ARHGAP26: variants seen among roughly 807,000 people sequenced by gnomAD.
The protein encoded by ARHGAP26 is rho GTPase-activating protein 26.
ARHGAP26 carries 38 observed loss-of-function variants against 104.8 expected under a neutral mutation model. The observed-to-expected ratio is 0.36, with a 90% CI of 0.28 to 0.48. The LOEUF is 0.48. Ranked by LOEUF, ARHGAP26 falls within the 20% of genes least tolerant of loss-of-function variation. ARHGAP26 has a pLI of 0.99. For missense variants in ARHGAP26, 704 were observed against 947.9 expected (o/e 0.74, Z 3.38); for synonymous variants, 341 against 340.0 (o/e 1.00, Z -0.03).
intron 1 of ARHGAP26, among the ~76,000 whole-genome samples, chr5:142,802,294 G>T (rs1762220931): frequency 6.6e-6 from 1 of 152,122 alleles, no homozygotes. Context: ...GATTTACCTT[G>T]TTTAAAGTTT....
At chr5:143,058,323 A>G (rs1453173460) in intron 17 of ARHGAP26, among the ~76,000 whole-genome samples, 1 of 152,282 alleles carries the variant, frequency 6.6e-6, no homozygotes, top group Non-Finnish European at 1.5e-5. Flanking sequence ...TTGAAGAAGT[A>G]TAAAGAATAA....
intron 17 of ARHGAP26, among the ~76,000 whole-genome samples, chr5:143,087,076 G>A (rs1466419363): frequency 6.6e-6 from 1 of 152,240 alleles, no homozygotes; most frequent in Non-Finnish European, 1.5e-5. Flanking sequence ...ACTCATGTGT[G>A]TTATCAGGGG....
intron 11 of ARHGAP26, among the ~76,000 whole-genome samples, chr5:143,002,535 T>A (rs72799090): frequency 0.015 from 2,293 of 152,228 alleles, 19 homozygotes; most frequent in Non-Finnish European, 0.022. Flanking sequence ...CTTTTTAATG[T>A]TGCATCAGCC....
chr5:142,843,770 T>C (rs150423023), intron 1 of ARHGAP26, among the ~76,000 whole-genome samples: 110 of 152,354 alleles, frequency 7.2e-4, no homozygotes, highest in African/African-American at 2.5e-3. Context: ...CCTTCTTTCC[T>C]TCCACTTTTC....
intron 11 of ARHGAP26, among the ~76,000 whole-genome samples, chr5:142,960,501 A>G (rs114221382): frequency 0.018 from 2,741 of 152,336 alleles, 40 homozygotes; most frequent in Non-Finnish European, 0.028. Flanking sequence ...AGTGCTGTCT[A>G]TCCATTAGTC....
intron 22 of ARHGAP26, 120 bp from the exon 23 acceptor site, chr5:143,222,237 CT>C: frequency 1.9e-6 from 1 of 525,978 alleles, no homozygotes; most frequent in South Asian, 6.1e-5. Flanking sequence ...ATTGTCCAAG[CT>C]TCCTTCATAC....
In ARHGAP26 at chr5:142,879,450, G is replaced by T. The variant is rs370969753; in HGVS notation, c.384+5G>T. 6.4e-5 allele frequency: 103 copies of T among 1,609,114 alleles called. No individual in the cohort carries two copies. The African/African-American group carries it at 1.1e-3, about 17-fold the overall frequency. On this transcript the variant is annotated splice_donor_5th_base_variant and intron_variant, in intron 4 of 22. Transcript: ENST00000645722. ...GAACAGATCGGGGCTGCCAAGGTGA[G>T]AATTTTGCAAGCTTTGGTCTGGATT...
At chr5:143,206,229 C>T (rs139659582) in intron 20 of ARHGAP26, among the ~76,000 whole-genome samples, 2 of 152,310 alleles carry the variant, frequency 1.3e-5, no homozygotes, top group African/African-American at 2.4e-5. Context: ...TTCAGCAGTC[C>T]GCTGAGATTC....
chr5:143,124,519 A>G (rs187780874), intron 18 of ARHGAP26, among the ~76,000 whole-genome samples: 1 of 152,276 alleles, frequency 6.6e-6, no homozygotes, highest in Non-Finnish European at 1.5e-5. Flanking sequence ...GCCTCACTCC[A>G]CACAGCTGGG....
At chr5:143,120,959 T>C (rs767896778) in intron 17 of ARHGAP26, 29 bp from the exon 18 acceptor site, 15 of 1,604,030 alleles carry the variant, frequency 9.4e-6, no homozygotes, top group Middle Eastern at 1.7e-4. Context: ...ATTTGTCTCA[T>C]TGGTACCTTT....
At chr5:143,081,713 G>A (rs1213444399) in intron 17 of ARHGAP26, among the ~76,000 whole-genome samples, 2 of 152,126 alleles carry the variant, frequency 1.3e-5, no homozygotes, top group African/African-American at 4.8e-5. Flanking sequence ...TGGAGTAAGG[G>A]CTTAAAAATG....
At chr5:142,868,789 G>A (rs1754770818) in intron 1 of ARHGAP26, 1 of 152,424 alleles carries the variant, frequency 6.6e-6, no homozygotes, top group South Asian at 2.1e-4. Flanking sequence ...GAATGGGGGT[G>A]TGGGCTAAAC....
chr5:142,774,695 A>G (rs1755940786), intron 1 of ARHGAP26, among the ~76,000 whole-genome samples: 1 of 152,206 alleles, frequency 6.6e-6, no homozygotes. Flanking sequence ...AACATACAGA[A>G]TACTTTCACT....
At chr5:143,094,385 G>A (rs771102975) in intron 17 of ARHGAP26, among the ~76,000 whole-genome samples, 6 of 152,036 alleles carry the variant, frequency 3.9e-5, no homozygotes, top group Non-Finnish European at 7.4e-5. Context: ...GTTATTCCTC[G>A]CACTGGGTGG....
At chr5:142,828,848 G>A (rs912604005) in intron 1 of ARHGAP26, among the ~76,000 whole-genome samples, 3 of 152,166 alleles carry the variant, frequency 2.0e-5, no homozygotes, top group South Asian at 2.1e-4. Flanking sequence ...CTAGCAAGAC[G>A]GGTTTGGTGT....
chr5:142,916,773 C>T (rs1159766687), intron 10 of ARHGAP26, among the ~76,000 whole-genome samples: 1 of 152,152 alleles, frequency 6.6e-6, no homozygotes, highest in Non-Finnish European at 1.5e-5. Context: ...CACAATAAAA[C>T]CCCTGCCTTT....
In ARHGAP26 at chr5:142,892,989, C is replaced by CT. The variant is rs56211069; in HGVS notation, c.487-1235dup. 3.8e-3 allele frequency among the ~76,000 whole-genome samples: 408 copies of CT among 108,008 alleles called. 7 individuals carry two copies. The East Asian group carries it at 0.038, about 10-fold the overall frequency. 70.9% of individuals were successfully genotyped at this position (108,008 alleles called of 152,430 possible). ...CTTCCCACCCCACCCCACCCCCCCG[C>CT]TTTTTTTTTTTTTTGAGACAGAGTC... is the stretch of plus-strand genomic sequence containing the variant. On this transcript the variant is annotated intron_variant, in intron 5 of 22. Coordinates refer to ENST00000645722, the MANE Select transcript of ARHGAP26 (RefSeq NM_001135608.3).
chr5:142,792,147 A>G (rs1003703862), intron 1 of ARHGAP26, among the ~76,000 whole-genome samples: 1 of 152,072 alleles, frequency 6.6e-6, no homozygotes, highest in African/African-American at 2.4e-5. Flanking sequence ...CTGTGTTGGA[A>G]CCACATCTCT....
At chr5:143,190,082 A>G (rs1442462343) in intron 20 of ARHGAP26, among the ~76,000 whole-genome samples, 1 of 151,832 alleles carries the variant, frequency 6.6e-6, no homozygotes, top group Admixed American at 6.6e-5. Context: ...TGCCTTCCTA[A>G]TACAATATGT....
Sources: gnomAD v4.1 joint callset for allele counts (sites outside exome capture counted in the v4.1 genomes callset) on GRCh38, gnomAD v4.1.1 for gene constraint, MANE v1.5 for transcripts, NCBI Gene and HGNC (gene_info 2026-07-23, HGNC 2026-07-21) for gene names.